Variants in WDFY2 observed in about 807,000 individuals in gnomAD.
WDFY2 encodes the protein WD repeat and FYVE domain containing 2.
In WDFY2, 36 loss-of-function variants were observed where a neutral mutation model predicts 56.4. The observed-to-expected ratio is 0.64, with a 90% CI of 0.49 to 0.84. WDFY2 has a LOEUF of 0.84. Ranked by LOEUF, WDFY2 falls within the 40% of genes least tolerant of loss-of-function variation. WDFY2 has a pLI of 0.00. For missense variants in WDFY2, 444 were observed against 512.2 expected (o/e 0.87, Z 1.29); for synonymous variants, 176 against 183.7 (o/e 0.96, Z 0.34).
chr13:51,662,153 T>C (rs1195651784), intron 2 of WDFY2, among the ~76,000 whole-genome samples: 3 of 152,120 alleles, frequency 2.0e-5, no homozygotes, highest in Non-Finnish European at 4.4e-5. Context: ...GTATTTTTAG[T>C]AGAGATGGGG....
chr13:51,757,757 A>G (rs1953442728), intron 10 of WDFY2, among the ~76,000 whole-genome samples: 1 of 152,120 alleles, frequency 6.6e-6, no homozygotes, highest in African/African-American at 2.4e-5. Flanking sequence ...AAAAAGGAAA[A>G]ATGAATGGAG....
intron 1 of WDFY2, among the ~76,000 whole-genome samples, chr13:51,599,952 G>A (rs569684679): frequency 1.2e-4 from 18 of 150,940 alleles, no homozygotes; most frequent in Admixed American, 4.0e-4. Context: ...GGGGCTTGCA[G>A]TGCTTGCATG....
At chr13:51,632,915 G>A (rs1444805494) in intron 1 of WDFY2, among the ~76,000 whole-genome samples, 3 of 152,180 alleles carry the variant, frequency 2.0e-5, no homozygotes, top group African/African-American at 7.2e-5. Context: ...CAGAGGTTGT[G>A]TAGGTCATTA....
chr13:51,759,870 A>G lies in WDFY2; in HGVS notation c.*101A>G. ...TAAAGCAGACATGTGAGAAGTAAGA[A>G]AGAAACTAAAGACCCTGAATGAATT... On this transcript the variant is annotated 3_prime_UTR_variant, in exon 12 of 12. Transcript: ENST00000298125. The G allele has an allele frequency of 7.7e-7, 1 of 1,291,988 alleles. No homozygotes were observed. The highest frequency in any genetic ancestry group is 1.1e-6 in the Non-Finnish European group (1 of 907,750). 80.0% of individuals were successfully genotyped at this position (1,291,988 alleles called of 1,614,324 possible). A position where few individuals can be genotyped will look rare whatever the true frequency, so the allele number is the denominator to read the frequency against.
intron 1 of WDFY2, among the ~76,000 whole-genome samples, chr13:51,652,757 T>G (rs1448806404): frequency 6.6e-6 from 1 of 152,228 alleles, no homozygotes; most frequent in Non-Finnish European, 1.5e-5. Context: ...GCTTGCAGAG[T>G]TTGTGCCGAG....
chr13:51,606,588 T>C (rs1257278738), intron 1 of WDFY2, among the ~76,000 whole-genome samples: 1 of 152,184 alleles, frequency 6.6e-6, no homozygotes, highest in Non-Finnish European at 1.5e-5. Context: ...ATATATTTTG[T>C]TCATATCAAT....
intron 1 of WDFY2, among the ~76,000 whole-genome samples, chr13:51,655,447 G>C (rs374978638): frequency 1.3e-5 from 2 of 150,792 alleles, no homozygotes; most frequent in East Asian, 3.9e-4. Context: ...TCTGTTGAGG[G>C]GTGTGTGTGT....
intron 5 of WDFY2, 98 bp from the exon 6 acceptor site, chr13:51,727,580 T>C (rs1952630907): frequency 9.0e-7 from 1 of 1,107,370 alleles, no homozygotes; most frequent in African/African-American, 1.5e-5. Flanking sequence ...TTTCCTCAGA[T>C]GGGATTTGCG....
At chr13:51,688,178 C>T (rs1426431769) in intron 3 of WDFY2, among the ~76,000 whole-genome samples, 1 of 152,126 alleles carries the variant, frequency 6.6e-6, no homozygotes, top group Non-Finnish European at 1.5e-5. Context: ...TCTGATTAGC[C>T]GGTGTCCATG....
intron 1 of WDFY2, among the ~76,000 whole-genome samples, chr13:51,601,257 C>T (rs1954276424): frequency 6.6e-6 from 1 of 152,074 alleles, no homozygotes; most frequent in South Asian, 2.1e-4. Flanking sequence ...CAGCATATAT[C>T]CTATCTCAGG....
At chr13:51,627,552 T>C (rs2138371453) in intron 1 of WDFY2, among the ~76,000 whole-genome samples, 1 of 151,892 alleles carries the variant, frequency 6.6e-6, no homozygotes, top group Non-Finnish European at 1.5e-5. Flanking sequence ...TTTTTGTTGT[T>C]ATTGTATTTT....
At chr13:51,638,730 C>A (rs1171066808) in intron 1 of WDFY2, among the ~76,000 whole-genome samples, 1 of 152,134 alleles carries the variant, frequency 6.6e-6, no homozygotes, top group Non-Finnish European at 1.5e-5. Flanking sequence ...TTGGGCACTG[C>A]TAAACTTTTT....
intron 6 of WDFY2, among the ~76,000 whole-genome samples, chr13:51,735,816 C>T (rs765407446): frequency 1.3e-5 from 2 of 152,148 alleles, no homozygotes; most frequent in Non-Finnish European, 2.9e-5. Context: ...GTTATTTACT[C>T]CCTACACCAT....
intron 7 of WDFY2, among the ~76,000 whole-genome samples, chr13:51,741,987 C>G (rs548437462): frequency 6.6e-6 from 1 of 152,290 alleles, no homozygotes; most frequent in Admixed American, 6.5e-5. Flanking sequence ...TGCTTTCCTA[C>G]AGTTCCTGGT....
chr13:51,705,850 A>T (rs1160280877), intron 4 of WDFY2, among the ~76,000 whole-genome samples: 1 of 152,154 alleles, frequency 6.6e-6, no homozygotes, highest in Non-Finnish European at 1.5e-5. Context: ...GCTGGACTTT[A>T]CATCCTGTTA....
At chr13:51,662,290 T>A (rs148649183) in intron 2 of WDFY2, among the ~76,000 whole-genome samples, 1 of 152,136 alleles carries the variant, frequency 6.6e-6, no homozygotes, top group African/African-American at 2.4e-5. Flanking sequence ...TTAAATGATA[T>A]AACCAGTATT....
intron 1 of WDFY2, chr13:51,594,293 C>T (rs1954105013): frequency 6.6e-6 from 1 of 152,124 alleles, no homozygotes; most frequent in Non-Finnish European, 1.5e-5. Flanking sequence ...CACTGATACT[C>T]ATTTTTCTTT....
chr13:51,722,427 A>T (rs1311361732), intron 5 of WDFY2, among the ~76,000 whole-genome samples: 1 of 152,206 alleles, frequency 6.6e-6, no homozygotes, highest in Non-Finnish European at 1.5e-5. Flanking sequence ...TTTTGACCGA[A>T]GATCTGAAGC....
chr13:51,700,086 G>T (rs1951951755), intron 3 of WDFY2, among the ~76,000 whole-genome samples: 1 of 152,080 alleles, frequency 6.6e-6, no homozygotes, highest in Non-Finnish European at 1.5e-5. Context: ...ATGTGATCCT[G>T]TTTTTATACA....
Sources: allele counts gnomAD v4.1 joint callset (sites outside exome capture counted in the v4.1 genomes callset), GRCh38; gene constraint gnomAD v4.1.1; transcripts MANE v1.5; gene names NCBI Gene and HGNC (gene_info 2026-07-23, HGNC 2026-07-21).